The following SLIT2 variants were observed in gnomAD, a reference collection of about 807,000 sequenced individuals.
SLIT2 encodes slit guidance ligand 2.
A neutral mutation model predicts 185.7 loss-of-function variants in SLIT2; 41 were observed. The ratio of observed to expected loss-of-function variants is 0.22; its 90% CI spans 0.17 to 0.29. The LOEUF (loss-of-function observed/expected upper bound fraction) is 0.29. Among genes scored for constraint, SLIT2 ranks in the 10% least tolerant of loss-of-function variants. The probability of loss-of-function intolerance (pLI) is 1.00; values close to 1 mark genes in which losing one functional copy is unlikely to be tolerated. For missense variants in SLIT2, 1,571 were observed against 1,909.0 expected (o/e 0.82, Z 3.30); for synonymous variants, 693 against 680.2 (o/e 1.02, Z -0.29).
intron 4 of SLIT2, among the ~76,000 whole-genome samples, chr4:20,441,033 G>T (rs902506556): frequency 3.3e-5 from 5 of 149,314 alleles, no homozygotes; most frequent in Non-Finnish European, 7.4e-5. Flanking sequence ...AGCCACAACG[G>T]GATTAAATGA....
rs374199333 is a variant in SLIT2 at position 20,528,991 on chromosome 4, C to A, written c.1505C>A (p.Ala502Glu). ...YRSKLSGDCF[A>E]DLACPEKCRC... Reference sequence around the variant, plus strand: ...TCAAAATTAAGTGGAGACTGCTTTGCGGATCTGGCTTGCCCTGAAAAGTGT... The same window carrying A: ...TCAAAATTAAGTGGAGACTGCTTTGAGGATCTGGCTTGCCCTGAAAAGTGT... Residue 502 changes from alanine to glutamate, a missense_variant, in exon 16 of 37, where the codon GCG becomes GAG. Physicochemically the swap from Ala to Glu is moderately radical, Grantham distance 107. Coordinates refer to ENST00000504154, the MANE Select transcript of SLIT2 (RefSeq NM_004787.4). This position sits in a 1 kb window ranked among gnomAD's most constrained non-coding sequence, Gnocchi z 4.2. 74 of 1,613,588 alleles carry A rather than the reference C, an allele frequency of 4.6e-5. No homozygotes were observed. The highest frequency in any genetic ancestry group is 5.7e-5 in the Non-Finnish European group (67 of 1,179,746).
chr4:20,480,758 A>G lies in SLIT2; in HGVS notation c.510A>G (p.Ala170=). Residue 170 remains alanine, a synonymous_variant, in exon 6 of 37, where the codon GCA becomes GCG. Transcript: ENST00000504154. ...YNQISCIEDG[A]FRALRDLEVL... Reference sequence around the variant, plus strand: ...AGATCAGCTGTATTGAAGATGGGGCATTCAGGGCTCTCCGGGACCTGGAAG... The same window carrying G: ...AGATCAGCTGTATTGAAGATGGGGCGTTCAGGGCTCTCCGGGACCTGGAAG... The G allele has an allele frequency of 6.2e-7, 1 of 1,613,570 alleles. No homozygotes were observed. Among genetic ancestry groups the G allele is most frequent in the Non-Finnish European group, 8.5e-7 (1 of 1,179,538 alleles).
intron 4 of SLIT2, among the ~76,000 whole-genome samples, chr4:20,400,441 T>C (rs899038866): frequency 6.6e-6 from 1 of 151,810 alleles, no homozygotes; most frequent in African/African-American, 2.4e-5. Flanking sequence ...GAGTATACTA[T>C]GTTTTCAAGG....
At chr4:20,291,904 C>CTGTGTGTGTGTGTGTG (rs35335088) in intron 4 of SLIT2, among the ~76,000 whole-genome samples, 5 of 146,858 alleles carry the variant, frequency 3.4e-5, no homozygotes, top group Non-Finnish European at 7.5e-5. Context: ...CTGCACACCT[C>CTGTGTGTGTGTGTGTG]TGTGTGTGTG....
rs7694498 is a variant in SLIT2 at position 20,395,462 on chromosome 4, C to T, written c.396-72290C>T. On this transcript the variant is annotated intron_variant, in intron 4 of 36. Transcript: ENST00000504154. ...GGATTTTATTCAATAGGATTAGGGA[C>T]CATTGAGGTATTTTCTTCAGGAGGT... 8.8e-3 allele frequency among the ~76,000 whole-genome samples: 1,334 copies of T among 152,010 alleles called. 8 individuals are homozygous for T. The highest frequency in any genetic ancestry group is 0.023 in the African/African-American group (948 of 41,504).
intron 7 of SLIT2, among the ~76,000 whole-genome samples, chr4:20,488,606 A>C (rs1056224569): frequency 6.6e-6 from 1 of 152,148 alleles, no homozygotes; most frequent in Non-Finnish European, 1.5e-5. Context: ...ACATAATTTT[A>C]TGGACATATT....
chr4:20,469,298 A>G (rs1052325780), intron 5 of SLIT2, among the ~76,000 whole-genome samples: 2 of 152,164 alleles, frequency 1.3e-5, no homozygotes, highest in Non-Finnish European at 2.9e-5. Context: ...GCAGTCTTAC[A>G]GTAGTATTAC....
chr4:20,361,682 C>T (rs1200984993), intron 4 of SLIT2, among the ~76,000 whole-genome samples: 1 of 151,986 alleles, frequency 6.6e-6, no homozygotes, highest in Non-Finnish European at 1.5e-5. Context: ...ATTAAAATGG[C>T]ATATTGAATT....
chr4:20,399,132 A>G (rs1319512390), intron 4 of SLIT2, among the ~76,000 whole-genome samples: 1 of 151,728 alleles, frequency 6.6e-6, no homozygotes, highest in Non-Finnish European at 1.5e-5. Flanking sequence ...ATGGTAAAAA[A>G]ATTATTTAAA....
At chr4:20,531,661 A>G (rs1196225801) in intron 16 of SLIT2, among the ~76,000 whole-genome samples, 1 of 152,196 alleles carries the variant, frequency 6.6e-6, no homozygotes, top group Non-Finnish European at 1.5e-5. Flanking sequence ...GATTAGGGAA[A>G]AAACAGTCTA....
At chr4:20,274,195 A>G (rs1354875200) in intron 4 of SLIT2, among the ~76,000 whole-genome samples, 2 of 152,186 alleles carry the variant, frequency 1.3e-5, no homozygotes, top group Admixed American at 6.5e-5. Context: ...AAACTTAGAA[A>G]AGTGTTCACT....
intron 3 of SLIT2, among the ~76,000 whole-genome samples, chr4:20,263,598 C>T (rs1712729715): frequency 6.6e-6 from 1 of 151,868 alleles, no homozygotes; most frequent in South Asian, 2.1e-4. Context: ...ACAAGCTCCC[C>T]TTTCTCCTTT....
intron 5 of SLIT2, among the ~76,000 whole-genome samples, chr4:20,473,123 G>T: frequency 6.6e-6 from 1 of 151,392 alleles, no homozygotes; most frequent in Non-Finnish European, 1.5e-5. Context: ...GCTTTCTGCT[G>T]CTTTAATTTT....
chr4:20,288,408 T>C (rs572103810), intron 4 of SLIT2, among the ~76,000 whole-genome samples: 3 of 152,334 alleles, frequency 2.0e-5, no homozygotes, highest in South Asian at 4.1e-4. Context: ...TGATGTTTTT[T>C]ATTAGAAACA....
At chr4:20,517,880 C>T (rs1271334056) in intron 11 of SLIT2, among the ~76,000 whole-genome samples, 1 of 151,820 alleles carries the variant, frequency 6.6e-6, no homozygotes, top group East Asian at 1.9e-4. Flanking sequence ...ATTCACATTT[C>T]AGCTTTTTCT....
At chr4:20,494,432 G>A (rs1560473968) in intron 9 of SLIT2, among the ~76,000 whole-genome samples, 1 of 152,162 alleles carries the variant, frequency 6.6e-6, no homozygotes, top group Non-Finnish European at 1.5e-5. Context: ...AAAGGAAGAT[G>A]ACAGTGAACT....
At chr4:20,607,190 A>G (rs1428025487) in intron 33 of SLIT2, among the ~76,000 whole-genome samples, 1 of 152,184 alleles carries the variant, frequency 6.6e-6, no homozygotes, top group Non-Finnish European at 1.5e-5. Flanking sequence ...AAAATCACCT[A>G]AGGTCACACT....
rs1713160397 is a variant in SLIT2 at position 20,267,538 on chromosome 4, T to A, written c.324-1272T>A. Among the ~76,000 whole-genome samples the A allele has an allele frequency of 2.0e-5, 3 of 152,000 alleles. No homozygotes were observed. In the South Asian group the frequency reaches 6.2e-4, roughly 32 times the overall value. On this transcript the variant is annotated intron_variant, in intron 3 of 36. Coordinates refer to ENST00000504154, the MANE Select transcript of SLIT2 (RefSeq NM_004787.4). The stretch of plus-strand genomic sequence containing the variant: ...GTCTCGCTTCTCACTTACAGGATTT[T>A]AAAAAATTATATCATTTTCCAAAAA...
chr4:20,315,043 CAT>C (rs72133770), intron 4 of SLIT2, among the ~76,000 whole-genome samples: 36,787 of 151,616 alleles, frequency 0.24, 5,377 homozygotes, highest in East Asian at 0.6. Context: ...AAATTATAAA[CAT>C]GTGATCATAC....
Sources: gnomAD v4.1 joint callset for allele counts (sites outside exome capture counted in the v4.1 genomes callset) on GRCh38, gnomAD v4.1.1 for gene constraint, Gnocchi (gnomAD v3.1) non-coding constraint, MANE v1.5 for transcripts, NCBI Gene and HGNC (gene_info 2026-07-23, HGNC 2026-07-21) for gene names.